Variants in LIMS2 observed in about 807,000 individuals in gnomAD.
LIMS2 encodes LIM zinc finger domain containing 2, also known as LIM and senescent cell antigen-like-containing domain protein 2.
A neutral mutation model predicts 45.3 loss-of-function variants in LIMS2; 30 were observed. The ratio of observed to expected loss-of-function variants is 0.66; its 90% CI spans 0.50 to 0.90. The LOEUF (loss-of-function observed/expected upper bound fraction) is 0.90. Among genes scored for constraint, LIMS2 ranks in the 40% least tolerant of loss-of-function variants. The pLI is 0.00. For missense variants in LIMS2, 485 were observed against 468.7 expected (o/e 1.03, Z -0.32); for synonymous variants, 173 against 188.0 (o/e 0.92, Z 0.65).
Position 127,643,082 on chromosome 2 carries a change from G to A in LIMS2, c.360-10C>T, listed in dbSNP as rs200849357. 4 of 1,564,990 alleles carry A rather than the reference G, an allele frequency of 2.6e-6. No homozygotes were observed. Among genetic ancestry groups the A allele is most frequent in the Admixed American group, 1.9e-5 (1 of 53,152 alleles). ...AGGCCGGCAGAGATGCCTGCGGGAGGCGGGGGCATTAGGGGCAGAGCCCCC... is the reference window on the plus strand; with the variant it reads ...AGGCCGGCAGAGATGCCTGCGGGAGACGGGGGCATTAGGGGCAGAGCCCCC... On this transcript the variant is annotated splice_polypyrimidine_tract_variant and intron_variant, in intron 4 of 9. Coordinates refer to ENST00000355119, the MANE Select transcript of LIMS2 (RefSeq NM_001161403.3).
chr2:127,656,184 CTGATA>C (rs1318890624), intron 2 of LIMS2: 3 of 152,214 alleles, frequency 2.0e-5, no homozygotes, highest in Non-Finnish European at 4.4e-5. Context: ...CCATTGTACG[CTGATA>C]TAATTTAATT....
chr2:127,649,031 GAAAAA>G (rs1683352882), intron 4 of LIMS2, among the ~76,000 whole-genome samples: 1 of 72,354 alleles, frequency 1.4e-5, no homozygotes, highest in Non-Finnish European at 3.0e-5. Context: ...AGGAAAGAAA[GAAAAA>G]GAAAGAAAGA....
rs370461804 is a variant in LIMS2, at chr2:127,662,139, C to T, written c.12-4577G>A. 7.2e-5 allele frequency among the ~76,000 whole-genome samples: 11 copies of T among 152,322 alleles called. No individual in the cohort carries two copies. In the South Asian group the frequency reaches 1.9e-3, roughly 26 times the overall value. ...TAGCCAGGCACACCAGGCTGCAACC[C>T]TGGCCCCGACGCCCCCTGTCTGTGT... On this transcript the variant is annotated intron_variant, in intron 1 of 9. Coordinates refer to ENST00000355119, the MANE Select transcript of LIMS2 (RefSeq NM_001161403.3).
chr2:127,662,540 C>T (rs1016634332), intron 1 of LIMS2, among the ~76,000 whole-genome samples: 5 of 150,790 alleles, frequency 3.3e-5, no homozygotes, highest in African/African-American at 9.8e-5. Flanking sequence ...AGAAAATTAA[C>T]ATGCTGCCTG....
At chr2:127,650,326 C>T in intron 4 of LIMS2, 1 of 561,644 alleles carries the variant, frequency 1.8e-6, no homozygotes, top group Non-Finnish European at 3.2e-6. Flanking sequence ...CCCCTCACCA[C>T]CCCTGTCACT....
intron 4 of LIMS2, among the ~76,000 whole-genome samples, chr2:127,643,783 C>T (rs1229857832): frequency 5.3e-5 from 8 of 152,158 alleles, no homozygotes; most frequent in Non-Finnish European, 1.2e-4. Flanking sequence ...ACAAAGGCCC[C>T]AATCCAACCT....
chr2:127,680,762 G>A (rs964784897), intron 1 of LIMS2, among the ~76,000 whole-genome samples: 7 of 152,300 alleles, frequency 4.6e-5, no homozygotes, highest in Admixed American at 3.3e-4. Context: ...CTTGGAGTTC[G>A]GGAGGAAAAG....
chr2:127,648,154 G>A (rs953849501), intron 4 of LIMS2: 1 of 985,364 alleles, frequency 1.0e-6, no homozygotes, highest in African/African-American at 1.7e-5. Context: ...GATTCCTGGG[G>A]AATGGGGTCC....
At chr2:127,643,205 T>A in intron 4 of LIMS2, 133 bp from the exon 5 acceptor site, 1 of 990,712 alleles carries the variant, frequency 1.0e-6, no homozygotes, top group Non-Finnish European at 1.5e-6. Context: ...GCCCAGGGTA[T>A]GGGAAAGCAG....
chr2:127,658,801 C>A (rs1558892517), intron 1 of LIMS2, among the ~76,000 whole-genome samples: 1 of 152,220 alleles, frequency 6.6e-6, no homozygotes, highest in Non-Finnish European at 1.5e-5. Flanking sequence ...GGGAGTGACG[C>A]AACCAGCTGG....
intron 9 of LIMS2, among the ~76,000 whole-genome samples, chr2:127,639,768 T>C (rs928637191): frequency 1.3e-5 from 2 of 152,196 alleles, no homozygotes; most frequent in Non-Finnish European, 2.9e-5. Flanking sequence ...CTGCTGCTTT[T>C]GCATATGCTG....
rs908622810 is a variant in LIMS2 at position 127,642,486 on chromosome 2, G to A, written c.510-287C>T. ...CCCCCCTCCTCCTCCAAACCAGAGG[G>A]GGTGTCTGGATAGGCACGGAGAGGA... On this transcript the variant is annotated intron_variant, in intron 5 of 9. Transcript: ENST00000355119. This position sits in a 1 kb window ranked among gnomAD's most constrained non-coding sequence, Gnocchi z 5.3. The A allele has an allele frequency of 1.5e-5, 6 of 400,828 alleles. No homozygotes were observed. Among genetic ancestry groups the A allele is most frequent in the East Asian group, 4.0e-5 (1 of 24,938 alleles). 24.8% of individuals were successfully genotyped at this position (400,828 alleles called of 1,614,324 possible). A position where few individuals can be genotyped will look rare whatever the true frequency, so the allele number is the denominator to read the frequency against.
intron 4 of LIMS2, chr2:127,651,737 T>C: frequency 1.2e-6 from 2 of 1,612,224 alleles, no homozygotes; most frequent in Non-Finnish European, 1.7e-6. Flanking sequence ...GCTCGCTGAG[T>C]GCCAAGTCAG....
At chr2:127,651,144 G>C (rs778163257) in intron 4 of LIMS2, 2 of 1,613,218 alleles carry the variant, frequency 1.2e-6, no homozygotes, top group Admixed American at 1.7e-5. Flanking sequence ...TGTGCACCCG[G>C]TCAAGTCCCT....
At chr2:127,669,205 T>C (rs1017691053) in intron 1 of LIMS2, among the ~76,000 whole-genome samples, 1 of 152,184 alleles carries the variant, frequency 6.6e-6, no homozygotes, top group African/African-American at 2.4e-5. Flanking sequence ...CTAGGACAAC[T>C]GGATAGCTAC....
chr2:127,650,100 A>T, intron 4 of LIMS2: 1 of 1,587,934 alleles, frequency 6.3e-7, no homozygotes. Flanking sequence ...TAGACCTCTG[A>T]CGTCCCAGGG....
rs34246242 is a variant in LIMS2 at position 127,638,462 on chromosome 2, CAACA to C, written c.*815_*818del. 0.067 allele frequency: 10,192 copies of C among 152,206 alleles called. 355 individuals carry two copies. Among genetic ancestry groups the C allele is most frequent in the Admixed American group, 0.083 (1,265 of 15,256 alleles). 9.4% of individuals were successfully genotyped at this position (152,206 alleles called of 1,614,324 possible). A position where few individuals can be genotyped will look rare whatever the true frequency, so the allele number is the denominator to read the frequency against. ...AGCCTTCATTGTGCAAGCGTGAGCC[CAACA>C]AACAAACACCAGGTCTGCGCTGGCC... On this transcript the variant is annotated 3_prime_UTR_variant, in exon 10 of 10. Transcript: ENST00000355119.
In LIMS2 at chr2:127,664,547, G is replaced by T. The variant is rs902976994; in HGVS notation, c.12-6985C>A. 7 of 1,150,464 alleles carry T rather than the reference G, an allele frequency of 6.1e-6. No homozygotes were observed. Among genetic ancestry groups the T allele is most frequent in the Non-Finnish European group, 7.5e-6 (7 of 936,356 alleles). The allele number at this position is 1,150,464 out of a possible 1,614,324, so 71.3% of individuals were successfully genotyped here. On this transcript the variant is annotated intron_variant, in intron 1 of 9. Transcript: ENST00000355119. This position sits in a 1 kb window ranked among gnomAD's most constrained non-coding sequence, Gnocchi z 5.5. ...CGCTGGTCGCGAGCTCACGTTACGC[G>T]CTGGGATCTCCAAAGGGCAGCAGAG...
At chr2:127,643,678 G>C in intron 4 of LIMS2, 1 of 445,544 alleles carries the variant, frequency 2.2e-6, no homozygotes, top group Non-Finnish European at 4.6e-6. Context: ...GACGACAGCT[G>C]TGTTCTCAAC....
Sources: gnomAD v4.1 joint callset for allele counts (sites outside exome capture counted in the v4.1 genomes callset) on GRCh38, gnomAD v4.1.1 for gene constraint, Gnocchi (gnomAD v3.1) non-coding constraint, MANE v1.5 for transcripts, NCBI Gene and HGNC (gene_info 2026-07-23, HGNC 2026-07-21) for gene names.